Variants in SPRY4 observed in about 807,000 individuals in gnomAD.
SPRY4 encodes the protein protein sprouty homolog 4.
SPRY4 carries 7 observed loss-of-function variants against 17.0 expected under a neutral mutation model. The observed-to-expected ratio is 0.41, with a 90% CI of 0.23 to 0.77. The LOEUF (loss-of-function observed/expected upper bound fraction) is 0.77, where lower values mean the gene tolerates loss of function less well. SPRY4 is among the 30% of genes least tolerant of loss of function. SPRY4 has a pLI of 0.32. For synonymous variants in SPRY4, 183 were observed against 174.1 expected (o/e 1.05, Z -0.40); for missense variants, 435 against 419.9 (o/e 1.04, Z -0.31).
At chr5:142,315,373 G>T in intron 1 of SPRY4, 1 of 535,408 alleles carries the variant, frequency 1.9e-6, no homozygotes. Flanking sequence ...TTAAGATGGA[G>T]GTACTCTCCT....
At chr5:142,316,453 T>C (rs1759155671) in intron 1 of SPRY4, among the ~76,000 whole-genome samples, 1 of 152,046 alleles carries the variant, frequency 6.6e-6, no homozygotes, top group Admixed American at 6.6e-5. Context: ...GGGATACAAT[T>C]TGGAATCCAA....
chr5:142,320,720 G>A (rs1421710513), intron 1 of SPRY4, among the ~76,000 whole-genome samples: 2 of 152,176 alleles, frequency 1.3e-5, no homozygotes. Context: ...GGTGGGACCA[G>A]AACCCTAGAC....
rs534912835 is a variant in SPRY4 at position 142,313,212 on chromosome 5, T to C, written c.*997A>G. ...TTTTGAAATCAGCCCTTCCTGGGGG[T>C]GGCCAAAAGGAAACAAGTTGTTTTA... On this transcript the variant is annotated 3_prime_UTR_variant, in exon 2 of 2. Coordinates refer to ENST00000434127, the MANE Select transcript of SPRY4 (RefSeq NM_001127496.3). 6.6e-6 allele frequency: 1 copy of C among 152,282 alleles called. No individual in the cohort carries two copies. Among genetic ancestry groups the C allele is most frequent in the African/African-American group, 2.4e-5 (1 of 41,404 alleles). The allele number at this position is 152,282 out of a possible 1,614,324, so 9.4% of individuals were successfully genotyped here.
chr5:142,321,107 G>T (rs188880431), intron 1 of SPRY4, among the ~76,000 whole-genome samples: 2 of 152,252 alleles, frequency 1.3e-5, no homozygotes, highest in East Asian at 3.9e-4. Context: ...TCAGCTGTCC[G>T]GATCTGCAGG....
Position 142,314,063 on chromosome 5 carries a change from G to A in SPRY4, c.*146C>T, listed in dbSNP as rs1759031813. The A allele has an allele frequency of 1.2e-6, 1 of 813,248 alleles. No individual in the cohort carries two copies. The highest frequency in any genetic ancestry group is 2.7e-5 in the East Asian group (1 of 37,100). 50.4% of individuals were successfully genotyped at this position (813,248 alleles called of 1,614,324 possible). Reference sequence around the variant, plus strand: ...TACAGGGTACGTGGTGGTGGTCTCTGTATTTTCCGAAGCTGGGGGTAGGGA... The same window carrying A: ...TACAGGGTACGTGGTGGTGGTCTCTATATTTTCCGAAGCTGGGGGTAGGGA... On this transcript the variant is annotated 3_prime_UTR_variant, in exon 2 of 2. Transcript: ENST00000434127. The surrounding 1 kb of genome is among the most constrained non-coding windows in gnomAD (Gnocchi z 4.8).
Position 142,321,161 on chromosome 5 carries a change from T to A in SPRY4, c.-48+3683A>T, listed in dbSNP as rs1759333848. On this transcript the variant is annotated intron_variant, in intron 1 of 1. Transcript: ENST00000434127. Reference sequence around the variant, plus strand: ...AGCCAAGAATACCCTCCCTCTTACATCACGCAACACCCCACACCTCCTGTG... The same window carrying A: ...AGCCAAGAATACCCTCCCTCTTACAACACGCAACACCCCACACCTCCTGTG... Among the ~76,000 whole-genome samples the A allele has an allele frequency of 2.6e-5, 4 of 152,160 alleles. No individual in the cohort carries two copies. The South Asian group carries it at 8.3e-4, about 32-fold the overall frequency.
rs1179415348 is a variant in SPRY4, at chr5:142,311,559, T to C, written c.*2650A>G. The C allele has an allele frequency of 2.5e-4, 26 of 106,118 alleles. No homozygotes were observed. In the Admixed American group the frequency reaches 2.8e-3, roughly 11 times the overall value. 6.6% of individuals were successfully genotyped at this position (106,118 alleles called of 1,614,324 possible). Reference sequence around the variant, plus strand: ...GGTCCACAGGCAAGCCAGTTTATCCTTCTGTTTGTTGTTGTTGTTGTTGTT... The same window carrying C: ...GGTCCACAGGCAAGCCAGTTTATCCCTCTGTTTGTTGTTGTTGTTGTTGTT... On this transcript the variant is annotated 3_prime_UTR_variant, in exon 2 of 2. Coordinates refer to ENST00000434127, the MANE Select transcript of SPRY4 (RefSeq NM_001127496.3).
intron 1 of SPRY4, chr5:142,317,140 T>C (rs1759180156): frequency 1.0e-6 from 1 of 985,444 alleles, no homozygotes; most frequent in African/African-American, 1.7e-5. Flanking sequence ...TGGTCAGGGC[T>C]GGAGAGAGGG....
chr5:142,315,472 G>A lies in SPRY4; in HGVS notation c.-47-317C>T, dbSNP rs560776765. 193 of 281,442 alleles carry A rather than the reference G, an allele frequency of 6.9e-4. 1 individual carries two copies. The highest frequency in any genetic ancestry group is 1.1e-3 in the Non-Finnish European group (163 of 149,988). 17.4% of individuals were successfully genotyped at this position (281,442 alleles called of 1,614,324 possible). ...CCTTTTCTATTTAGAGAAAAGACAT[G>A]TTGAAATTAATTTGTCCAAAGTCAC... On this transcript the variant is annotated intron_variant, in intron 1 of 1. Transcript: ENST00000434127.
At chr5:142,321,724 A>G (rs1759349406) in intron 1 of SPRY4, among the ~76,000 whole-genome samples, 1 of 152,238 alleles carries the variant, frequency 6.6e-6, no homozygotes, top group Non-Finnish European at 1.5e-5. Flanking sequence ...ATGGAACACT[A>G]TGATTCTCCA....
At chr5:142,317,981 C>A (rs1177903446) in intron 1 of SPRY4, 1 of 985,254 alleles carries the variant, frequency 1.0e-6, no homozygotes, top group South Asian at 4.7e-5. Context: ...CTATTATAAC[C>A]CCGATGTAGT....
chr5:142,313,982 A>C lies in SPRY4; in HGVS notation c.*227T>G, dbSNP rs1007107211. 1.8e-6 allele frequency: 1 copy of C among 568,144 alleles called. No homozygotes were observed. The highest frequency in any genetic ancestry group is 1.9e-5 in the African/African-American group (1 of 53,604). 35.2% of individuals were successfully genotyped at this position (568,144 alleles called of 1,614,324 possible). On this transcript the variant is annotated 3_prime_UTR_variant, in exon 2 of 2. Coordinates refer to ENST00000434127, the MANE Select transcript of SPRY4 (RefSeq NM_001127496.3). ...TGCCCCTGCATTGTCTGTTTGACAC[A>C]AAGTTTCAGGACCCTGAAAAAAAGC...
Position 142,310,727 on chromosome 5 carries a change from A to T in SPRY4, c.*3482T>A, listed in dbSNP as rs1758875272. 1 of 152,238 alleles carries T rather than the reference A, an allele frequency of 6.6e-6. No individual in the cohort carries two copies. The highest frequency in any genetic ancestry group is 1.5e-5 in the Non-Finnish European group (1 of 68,036). The allele number at this position is 152,238 out of a possible 1,614,324, so 9.4% of individuals were successfully genotyped here. ...CATGAAACCAAGCTGTGGGACAGTA[A>T]GAAGAGAAAGCAAGGCAAGACACTG... On this transcript the variant is annotated 3_prime_UTR_variant, in exon 2 of 2. Transcript: ENST00000434127.
intron 1 of SPRY4, chr5:142,315,418 T>A (rs1265323242): frequency 7.1e-6 from 3 of 424,350 alleles, no homozygotes; most frequent in African/African-American, 1.9e-5. Flanking sequence ...GACTTCATGA[T>A]AAGCCTAAAA....
At chr5:142,319,983 G>C (rs1759291795) in intron 1 of SPRY4, among the ~76,000 whole-genome samples, 2 of 152,114 alleles carry the variant, frequency 1.3e-5, no homozygotes, top group Non-Finnish European at 2.9e-5. Flanking sequence ...TGAATGAATG[G>C]GTAGTTTAAG....
chr5:142,316,418 C>G (rs1759154605), intron 1 of SPRY4, among the ~76,000 whole-genome samples: 1 of 152,126 alleles, frequency 6.6e-6, no homozygotes, highest in Admixed American at 6.6e-5. Context: ...GAAATAGCAG[C>G]AGAAGGCCAA....
rs1352442448 is a variant in SPRY4, at chr5:142,314,856, C to T, written c.253G>A (p.Val85Ile). 1 of 1,591,136 alleles carries T rather than the reference C, an allele frequency of 6.3e-7. No individual in the cohort carries two copies. The highest frequency in any genetic ancestry group is 8.6e-7 in the Non-Finnish European group (1 of 1,166,514). The change falls in exon 2 of 2, where the codon GTC (valine) becomes ATC (isoleucine). Residue 85 changes from valine to isoleucine, a missense_variant. Physicochemically the swap from Val to Ile is conservative, Grantham distance 29. Transcript: ENST00000434127. The surrounding 1 kb of genome is among the most constrained non-coding windows in gnomAD (Gnocchi z 4.8). Reference protein sequence around the residue: ...APTPARCDQDVTHHWISFSGR... With the variant: ...APTPARCDQDITHHWISFSGR... ...CTGAAGGAGATCCAATGGTGGGTGA[C>T]ATCCTGGTCACAGCGGGCGGGCGTC... is the stretch of plus-strand genomic sequence containing the variant.
intron 1 of SPRY4, among the ~76,000 whole-genome samples, chr5:142,316,871 G>A (rs1052483077): frequency 8.5e-5 from 13 of 152,198 alleles, no homozygotes; most frequent in African/African-American, 2.4e-4. Flanking sequence ...TCCCATTCAC[G>A]CAGGGCATCA....
rs150116103 is a variant in SPRY4, at chr5:142,314,672, G to A, written c.437C>T (p.Pro146Leu). 67 of 1,614,162 alleles carry A rather than the reference G, an allele frequency of 4.2e-5. No individual in the cohort carries two copies. Among genetic ancestry groups the A allele is most frequent in the Middle Eastern group, 1.6e-4 (1 of 6,062 alleles). The stretch of plus-strand genomic sequence containing the variant: ...CTTGTCCAGCTCGGGTGGGACCGCC[G>A]GGCCCTTGAGGTCCAGCGGCTGGCA... ...VHCQPLDLKG[P>L]AVPPELDKHF... The change falls in exon 2 of 2, where the codon CCG becomes CTG. Residue 146 changes from proline (P) to leucine (L), a missense_variant. Transcript: ENST00000434127. The surrounding 1 kb of genome is among the most constrained non-coding windows in gnomAD (Gnocchi z 4.8).
Sources: allele counts gnomAD v4.1 joint callset (sites outside exome capture counted in the v4.1 genomes callset), GRCh38; gene constraint gnomAD v4.1.1; non-coding constraint Gnocchi (gnomAD v3.1); transcripts MANE v1.5; gene names NCBI Gene and HGNC (gene_info 2026-07-23, HGNC 2026-07-21).